DNMT3A: variants seen among roughly 807,000 people sequenced by gnomAD.
DNMT3A encodes DNA methyltransferase 3 alpha.
A neutral mutation model predicts 117.6 loss-of-function variants in DNMT3A; 267 were observed. The ratio of observed to expected loss-of-function variants is 2.27; its 90% CI spans 2.05 to 2.51. The LOEUF is 2.51. Among genes scored for constraint, DNMT3A ranks in the 30% most tolerant of loss-of-function variants. The probability of loss-of-function intolerance (pLI) is 0.00; values close to 1 mark genes in which losing one functional copy is unlikely to be tolerated. For missense variants in DNMT3A, 1,029 were observed against 1,260.2 expected (o/e 0.82, Z 2.78); for synonymous variants, 432 against 474.8 (o/e 0.91, Z 1.17).
chr2:25,325,261 G>A (rs1170462631), intron 1 of DNMT3A, among the ~76,000 whole-genome samples: 2 of 152,170 alleles, frequency 1.3e-5, no homozygotes, highest in East Asian at 1.9e-4. Flanking sequence ...TGCAAGCCAG[G>A]AGAAGCCCTG....
At chr2:25,315,680 G>A (rs2034345554) in intron 1 of DNMT3A, among the ~76,000 whole-genome samples, 1 of 152,176 alleles carries the variant, frequency 6.6e-6, no homozygotes, top group Admixed American at 6.5e-5. Context: ...ACCCATCAGA[G>A]GCATGAACCC....
chr2:25,334,697 G>A (rs550263268), intron 1 of DNMT3A, among the ~76,000 whole-genome samples: 14 of 152,304 alleles, frequency 9.2e-5, no homozygotes, highest in South Asian at 6.2e-4. Context: ...CCTATTTTCT[G>A]CTCTCACCTA....
At chr2:25,276,387 G>A (rs1558699285) in intron 4 of DNMT3A, among the ~76,000 whole-genome samples, 2 of 152,172 alleles carry the variant, frequency 1.3e-5, no homozygotes, top group Admixed American at 6.5e-5. Context: ...TGCCTACTGT[G>A]GGGCCTGGCA....
intron 1 of DNMT3A, among the ~76,000 whole-genome samples, chr2:25,317,805 G>A (rs2034440936): frequency 6.6e-6 from 1 of 152,020 alleles, no homozygotes; most frequent in African/African-American, 2.4e-5. Flanking sequence ...CCGCGATCTC[G>A]GCTCACCGCA....
chr2:25,261,779 C>G (rs1370181034), intron 6 of DNMT3A, among the ~76,000 whole-genome samples: 1 of 152,118 alleles, frequency 6.6e-6, no homozygotes, highest in Non-Finnish European at 1.5e-5. Flanking sequence ...ATGTCCTTGT[C>G]CCTGCCCCTC....
chr2:25,315,288 G>T (rs1268259552), intron 1 of DNMT3A, among the ~76,000 whole-genome samples: 1 of 152,202 alleles, frequency 6.6e-6, no homozygotes, highest in Non-Finnish European at 1.5e-5. Flanking sequence ...TTTCTCCAGG[G>T]GTGCATTCTT....
intron 2 of DNMT3A, among the ~76,000 whole-genome samples, chr2:25,300,624 G>GATATATATTTAGATATATATTTAT (rs2033383166): frequency 7.5e-4 from 2 of 2,662 alleles, no homozygotes; most frequent in African/African-American, 9.2e-4. Context: ...ATATTATTTA[G>GATATATATTTAGATATATATTTAT]ATATCTAAAT....
intron 3 of DNMT3A, among the ~76,000 whole-genome samples, chr2:25,288,794 T>A (rs2032518516): frequency 6.6e-6 from 1 of 152,194 alleles, no homozygotes; most frequent in Admixed American, 6.5e-5. Flanking sequence ...AACTTCCCAG[T>A]TGCCTCTCCC....
Position 25,254,169 on chromosome 2 carries a change from G to A in DNMT3A, c.640-5917C>T, listed in dbSNP as rs192005168. ...CCCCAAGAAATCTGTTGTCTCATCT[G>A]CAAAACGAGTGATGACATCAGCCCT... On this transcript the variant is annotated intron_variant, in intron 6 of 22. Coordinates refer to ENST00000321117, the MANE Select transcript of DNMT3A (RefSeq NM_022552.5). The surrounding 1 kb of genome is among the most constrained non-coding windows in gnomAD (Gnocchi z 4.7). Among the ~76,000 whole-genome samples, 200 of 151,718 alleles carry A rather than the reference G, an allele frequency of 1.3e-3. 1 individual carries two copies. The highest frequency in any genetic ancestry group is 4.6e-3 in the African/African-American group (188 of 41,312).
At chr2:25,262,722 C>T (rs1302319416) in intron 6 of DNMT3A, among the ~76,000 whole-genome samples, 7 of 152,184 alleles carry the variant, frequency 4.6e-5, no homozygotes, top group Non-Finnish European at 1.5e-5. Flanking sequence ...TCTCTTCCAC[C>T]CCTGCTCTCC....
rs1249490029 is a variant in DNMT3A at position 25,290,320 on chromosome 2, A to ATTTTTTTTTTT, written c.178-7620_178-7610dup. Among the ~76,000 whole-genome samples the ATTTTTTTTTTT allele has an allele frequency of 1.2e-3, 157 of 126,456 alleles. 3 individuals are homozygous for ATTTTTTTTTTT. The highest frequency in any genetic ancestry group is 1.8e-3 in the East Asian group (8 of 4,394). 83.0% of individuals were successfully genotyped at this position (126,456 alleles called of 152,430 possible). On this transcript the variant is annotated intron_variant, in intron 3 of 22. Transcript: ENST00000321117. The stretch of plus-strand genomic sequence containing the variant: ...ACATCCAGCTAATTTTATGGAAGTG[A>ATTTTTTTTTTT]TTTTTTTTTTTTTTTTTTGAGACGC...
In DNMT3A at chr2:25,308,982, C is replaced by CACACACACAT. The variant is rs1415323486; in HGVS notation, c.72+4930_72+4931insATGTGTGTGT. On this transcript the variant is annotated intron_variant, in intron 2 of 22. Transcript: ENST00000321117. The stretch of plus-strand genomic sequence containing the variant: ...CCACAGATGCATACACACACACACA[C>CACACACACAT]ACACACACACACACACACGCACGCA... Among the ~76,000 whole-genome samples the CACACACACAT allele has an allele frequency of 1.3e-4, 19 of 150,602 alleles. No homozygotes were observed. The Middle Eastern group carries it at 0.01, about 81-fold the overall frequency.
intron 3 of DNMT3A, among the ~76,000 whole-genome samples, chr2:25,292,176 T>C (rs1270586104): frequency 6.6e-6 from 1 of 150,940 alleles, no homozygotes; most frequent in Non-Finnish European, 1.5e-5. Flanking sequence ...TTTCAATAAA[T>C]CCCTTCGACC....
chr2:25,253,843 G>A (rs1675878570), intron 6 of DNMT3A, among the ~76,000 whole-genome samples: 1 of 152,202 alleles, frequency 6.6e-6, no homozygotes, highest in South Asian at 2.1e-4. Flanking sequence ...GAAGGCTGAG[G>A]CAGGCGGATC....
intron 2 of DNMT3A, among the ~76,000 whole-genome samples, chr2:25,303,815 AG>A (rs1173193163): frequency 6.6e-6 from 1 of 152,198 alleles, no homozygotes; most frequent in African/African-American, 2.4e-5. Context: ...CTGCGGAGGG[AG>A]GGGGCTAACA....
Position 25,245,345 on chromosome 2 carries a change from G to C in DNMT3A, c.1475-13C>G. On this transcript the variant is annotated splice_polypyrimidine_tract_variant and intron_variant, in intron 12 of 22. Transcript: ENST00000321117. ...GAGATGCAGATGTCTGGAAAGCAGA[G>C]GGAGGGGATGGGGTGAGTACCACCG... The C allele has an allele frequency of 6.2e-7, 1 of 1,612,626 alleles. No homozygotes were observed. Among genetic ancestry groups the C allele is most frequent in the Middle Eastern group, 1.7e-4 (1 of 6,058 alleles).
At chr2:25,335,137 CTTT>C (rs879282250) in intron 1 of DNMT3A, among the ~76,000 whole-genome samples, 1 of 148,278 alleles carries the variant, frequency 6.7e-6, no homozygotes, top group Non-Finnish European at 1.5e-5. Context: ...ACACTATGAA[CTTT>C]TTTTTTTTAA....
intron 3 of DNMT3A, among the ~76,000 whole-genome samples, chr2:25,292,320 G>A (rs1355641582): frequency 2.0e-5 from 3 of 151,786 alleles, no homozygotes; most frequent in Non-Finnish European, 2.9e-5. Flanking sequence ...ACTGCACTCC[G>A]GCCTGGGCAA....
At position 25,247,067 on chromosome 2, in the gene DNMT3A, A is replaced by C; in HGVS notation, c.1106T>G (p.Ile369Ser). Residue 369 changes from isoleucine to serine, a missense_variant, in exon 9 of 23, where the codon ATC becomes AGC. Coordinates refer to ENST00000321117, the MANE Select transcript of DNMT3A (RefSeq NM_022552.5). This position sits in a 1 kb window ranked among gnomAD's most constrained non-coding sequence, Gnocchi z 5.6. ...YNKQPMYRKAIYEVLQVASSR... is the reference protein window; with the variant it reads ...YNKQPMYRKASYEVLQVASSR... ...GACACTCACCTGCAGGACCTCGTAGATGGCTTTGCGGTACATGGGCTGCTT... is the reference window on the plus strand; with the variant it reads ...GACACTCACCTGCAGGACCTCGTAGCTGGCTTTGCGGTACATGGGCTGCTT... 6.2e-7 allele frequency: 1 copy of C among 1,614,106 alleles called. No individual in the cohort carries two copies. The highest frequency in any genetic ancestry group is 8.5e-7 in the Non-Finnish European group (1 of 1,179,986).
Sources: gnomAD v4.1 joint callset for allele counts (sites outside exome capture counted in the v4.1 genomes callset) on GRCh38, gnomAD v4.1.1 for gene constraint, Gnocchi (gnomAD v3.1) non-coding constraint, MANE v1.5 for transcripts, NCBI Gene and HGNC (gene_info 2026-07-23, HGNC 2026-07-21) for gene names.